The following NAALADL2 variants were observed in gnomAD, a reference collection of about 807,000 sequenced individuals.
NAALADL2 encodes the protein N-acetylated alpha-linked acidic dipeptidase like 2.
In NAALADL2, 76 loss-of-function variants were observed where a neutral mutation model predicts 87.2. The observed-to-expected ratio is 0.87, with a 90% confidence interval of 0.72 to 1.05. The LOEUF (loss-of-function observed/expected upper bound fraction) is 1.05, where lower values mean the gene tolerates loss of function less well. NAALADL2 is among the 50% of genes least tolerant of loss of function. NAALADL2 has a pLI of 0.00. For synonymous variants in NAALADL2, 354 were observed against 331.0 expected (o/e 1.07, Z -0.75); for missense variants, 1,089 against 945.8 (o/e 1.15, Z -1.99).
chr3:175,232,064 G>A (rs562737651), intron 2 of NAALADL2, among the ~76,000 whole-genome samples: 1 of 151,986 alleles, frequency 6.6e-6, no homozygotes, highest in South Asian at 2.1e-4. Context: ...TAAAATTTAG[G>A]TGGCACTGTT....
chr3:175,662,422 T>C (rs1200243227), intron 11 of NAALADL2, among the ~76,000 whole-genome samples: 2 of 152,022 alleles, frequency 1.3e-5, no homozygotes, highest in Non-Finnish European at 2.9e-5. Context: ...TATAAGATCA[T>C]GGCACCTTCA....
At chr3:175,415,695 G>A (rs1235245576) in intron 5 of NAALADL2, among the ~76,000 whole-genome samples, 1 of 151,874 alleles carries the variant, frequency 6.6e-6, no homozygotes, top group Non-Finnish European at 1.5e-5. Context: ...CACTGTTATT[G>A]TAAAGTTGTT....
At position 174,913,152 on chromosome 3, in the gene NAALADL2, G is replaced by GA. The variant is rs1733925281; in HGVS notation, c.43+53708dup. 2.0e-5 allele frequency among the ~76,000 whole-genome samples: 3 copies of GA among 152,196 alleles called. No individual in the cohort carries two copies. The East Asian group carries it at 5.8e-4, about 29-fold the overall frequency. On this transcript the variant is annotated intron_variant, in intron 1 of 13. Coordinates refer to ENST00000454872, the MANE Select transcript of NAALADL2 (RefSeq NM_207015.3). The stretch of plus-strand genomic sequence containing the variant: ...ATATAGTATTATGACTTATTGGTAT[G>GA]AAAAAAGTTTTGGTAGAACTTTCCC...
chr3:175,538,086 T>G (rs1199107717), intron 9 of NAALADL2, among the ~76,000 whole-genome samples: 1 of 152,172 alleles, frequency 6.6e-6, no homozygotes, highest in African/African-American at 2.4e-5. Context: ...GTGGTTTAAT[T>G]AAATTATATT....
chr3:174,580,109 A>G (rs1229064118), intron 2 of NAALADL2, among the ~76,000 whole-genome samples: 2 of 152,068 alleles, frequency 1.3e-5, no homozygotes, highest in African/African-American at 4.8e-5. Context: ...TTCCTGAAAA[A>G]AAATAAGGAA....
chr3:174,898,068 C>A (rs566121947), intron 1 of NAALADL2, among the ~76,000 whole-genome samples: 1 of 116,506 alleles, frequency 8.6e-6, no homozygotes, highest in Non-Finnish European at 1.6e-5. Flanking sequence ...AGCCGAGATC[C>A]CGCCACTGCA....
intron 3 of NAALADL2, among the ~76,000 whole-genome samples, chr3:175,248,503 G>C (rs1748427397): frequency 6.6e-6 from 1 of 151,942 alleles, no homozygotes; most frequent in African/African-American, 2.4e-5. Flanking sequence ...AACACATCTT[G>C]TCTCACTTGA....
Position 175,803,174 on chromosome 3 carries a change from T to G in NAALADL2, c.2359T>G (p.Phe787Val). The G allele has an allele frequency of 1.2e-6, 2 of 1,610,342 alleles. No individual in the cohort carries two copies. Among genetic ancestry groups the G allele is most frequent in the East Asian group, 4.5e-5 (2 of 44,808 alleles). ...QVYFKAGLDVFKSVLDGKN is the reference protein window; with the variant it reads ...QVYFKAGLDVVKSVLDGKN The stretch of plus-strand genomic sequence containing the variant: ...TTACTTCAAAGCAGGACTTGATGTG[T>G]TCAAGAGTGTCTTGGATGGGAAGAA... The change falls in exon 14 of 14, where the codon TTC (phenylalanine) becomes GTC (valine). Residue 787 changes from phenylalanine (F) to valine (V), a missense_variant. Transcript: ENST00000454872.
At chr3:175,784,834 G>T in intron 13 of NAALADL2, among the ~76,000 whole-genome samples, 1 of 71,370 alleles carries the variant, frequency 1.4e-5, no homozygotes, top group Non-Finnish European at 2.4e-5. Flanking sequence ...TTCTCTTGTG[G>T]GCATTTAGTG....
chr3:175,072,440 G>A (rs1303418611), intron 1 of NAALADL2, among the ~76,000 whole-genome samples: 1 of 151,770 alleles, frequency 6.6e-6, no homozygotes, highest in African/African-American at 2.4e-5. Flanking sequence ...TTGAGGACAT[G>A]CAAAATTATC....
chr3:175,156,938 T>C (rs997254358), intron 2 of NAALADL2, among the ~76,000 whole-genome samples: 1 of 152,078 alleles, frequency 6.6e-6, no homozygotes, highest in African/African-American at 2.4e-5. Context: ...CTTAACTCCA[T>C]GATGAAGTTT....
At chr3:175,311,088 G>A (rs530433041) in intron 4 of NAALADL2, among the ~76,000 whole-genome samples, 41 of 152,012 alleles carry the variant, frequency 2.7e-4, no homozygotes, top group African/African-American at 8.7e-4. Context: ...ATAAACCACC[G>A]TAACAGGAGT....
chr3:175,473,519 G>A (rs1003226356), intron 9 of NAALADL2, among the ~76,000 whole-genome samples: 2 of 151,516 alleles, frequency 1.3e-5, no homozygotes, highest in Non-Finnish European at 2.9e-5. Flanking sequence ...AATCAATGGG[G>A]ATTACTTATA....
intron 1 of NAALADL2, chr3:174,513,437 A>G (rs1480338494): frequency 5.9e-5 from 9 of 152,200 alleles, no homozygotes; most frequent in African/African-American, 2.2e-4. Context: ...ATAGTTAATT[A>G]TATAACTGGC....
intron 1 of NAALADL2, among the ~76,000 whole-genome samples, chr3:175,066,420 A>G (rs1236243205): frequency 6.6e-6 from 1 of 152,106 alleles, no homozygotes; most frequent in Non-Finnish European, 1.5e-5. Context: ...AAGTTCCATG[A>G]GGGCAGGGAC....
chr3:175,273,137 G>T (rs1468501681), intron 4 of NAALADL2, among the ~76,000 whole-genome samples: 1 of 151,744 alleles, frequency 6.6e-6, no homozygotes, highest in African/African-American at 2.4e-5. Context: ...CAAAACATTA[G>T]GTTTCATGGA....
intron 2 of NAALADL2, among the ~76,000 whole-genome samples, chr3:174,642,584 C>CT (rs2108734523): frequency 6.6e-6 from 1 of 151,304 alleles, no homozygotes; most frequent in Non-Finnish European, 1.5e-5. Context: ...TCAGGATTAC[C>CT]TGCACAGTGT....
intron 9 of NAALADL2, among the ~76,000 whole-genome samples, chr3:175,494,080 T>C (rs1217204459): frequency 2.0e-5 from 3 of 151,986 alleles, no homozygotes; most frequent in African/African-American, 7.2e-5. Flanking sequence ...AAAATATAAT[T>C]GTTTATAAGC....
intron 5 of NAALADL2, among the ~76,000 whole-genome samples, chr3:175,414,391 T>A (rs996363919): frequency 2.0e-5 from 3 of 152,184 alleles, no homozygotes; most frequent in African/African-American, 7.2e-5. Flanking sequence ...TTTAGTATCT[T>A]TTGGTCCCTC....
Sources: gnomAD v4.1 joint callset for allele counts (sites outside exome capture counted in the v4.1 genomes callset) on GRCh38, gnomAD v4.1.1 for gene constraint, MANE v1.5 for transcripts, NCBI Gene and HGNC (gene_info 2026-07-23, HGNC 2026-07-21) for gene names.